MUSK: variants seen among roughly 807,000 people sequenced by gnomAD.
MUSK encodes muscle, skeletal receptor tyrosine-protein kinase.
MUSK carries 55 observed loss-of-function variants against 88.7 expected under a neutral mutation model. The observed-to-expected ratio is 0.62, with a 90% CI of 0.50 to 0.78. The LOEUF (loss-of-function observed/expected upper bound fraction) is 0.78. Among genes scored for constraint, MUSK ranks in the 30% least tolerant of loss-of-function variants. MUSK has a pLI of 0.00. For missense variants in MUSK, 1,015 were observed against 1,074.3 expected (o/e 0.94, Z 0.77); for synonymous variants, 387 against 391.9 (o/e 0.99, Z 0.15).
At chr9:110,686,628 G>A (rs1312630533) in intron 2 of MUSK, among the ~76,000 whole-genome samples, 3 of 152,090 alleles carry the variant, frequency 2.0e-5, no homozygotes, top group Non-Finnish European at 4.4e-5. Context: ...CAAGTAACTA[G>A]AAGTGTGCCT....
At chr9:110,695,373 T>C (rs2131713376) in intron 3 of MUSK, 30 bp from the exon 4 acceptor site, 1 of 1,412,696 alleles carries the variant, frequency 7.1e-7, no homozygotes, top group East Asian at 2.6e-5. Context: ...CATATTGCCT[T>C]ATTTATTTTG....
At chr9:110,694,409 A>T (rs1431308299) in intron 3 of MUSK, among the ~76,000 whole-genome samples, 1 of 142,368 alleles carries the variant, frequency 7.0e-6, no homozygotes, top group African/African-American at 2.9e-5. Flanking sequence ...AAAAAAAACA[A>T]AAAAACAAAA....
At chr9:110,752,446 CCT>C (rs2077259992) in intron 7 of MUSK, among the ~76,000 whole-genome samples, 1 of 152,232 alleles carries the variant, frequency 6.6e-6, no homozygotes, top group Non-Finnish European at 1.5e-5. Context: ...GCTTTTGGCC[CCT>C]CTCTCGGCAT....
chr9:110,747,312 G>T (rs1302079780), intron 6 of MUSK, among the ~76,000 whole-genome samples: 1 of 152,142 alleles, frequency 6.6e-6, no homozygotes, highest in Non-Finnish European at 1.5e-5. Flanking sequence ...TACCATGCTG[G>T]CTCTTGCTTG....
At chr9:110,761,931 C>T in intron 7 of MUSK, 2 of 985,028 alleles carry the variant, frequency 2.0e-6, no homozygotes, top group South Asian at 9.4e-5. Context: ...AAATTCTGAG[C>T]TTAGATATTG....
chr9:110,689,770 T>TATATATATATATATATATATAA (rs1564218181), intron 3 of MUSK, among the ~76,000 whole-genome samples: 1 of 75,090 alleles, frequency 1.3e-5, no homozygotes, highest in Non-Finnish European at 2.3e-5. Context: ...ACTATATATA[T>TATATATATATATATATATATAA]CACATATAGT....
intron 4 of MUSK, 58 bp downstream of exon 4, chr9:110,695,588 C>A: frequency 3.0e-6 from 4 of 1,342,668 alleles, no homozygotes; most frequent in East Asian, 5.1e-5. Context: ...TATAACATTT[C>A]TTTACACACT....
In MUSK at chr9:110,734,244, C is replaced by T. The variant is rs1249758800; in HGVS notation, c.629-7C>T. 3 of 1,609,318 alleles carry T rather than the reference C, an allele frequency of 1.9e-6. No individual in the cohort carries two copies. The highest frequency in any genetic ancestry group is 2.5e-6 in the Non-Finnish European group (3 of 1,177,550). ...AGCGTCACTCACCACTTCTGTCTTC[C>T]TAACAGTTTTTGCCAGGATCCTGCG... On this transcript the variant is annotated splice_polypyrimidine_tract_variant and splice_region_variant and intron_variant, in intron 5 of 14. Coordinates refer to ENST00000374448, the MANE Select transcript of MUSK (RefSeq NM_005592.4).
intron 11 of MUSK, among the ~76,000 whole-genome samples, chr9:110,781,491 T>C (rs1303037990): frequency 5.3e-5 from 8 of 152,190 alleles, no homozygotes; most frequent in Non-Finnish European, 1.2e-4. Flanking sequence ...TTAGCCAGGA[T>C]GGTCTCGATC....
intron 3 of MUSK, among the ~76,000 whole-genome samples, chr9:110,688,753 T>C (rs1464168641): frequency 6.6e-6 from 1 of 151,926 alleles, no homozygotes; most frequent in African/African-American, 2.4e-5. Flanking sequence ...CTGAGGATAA[T>C]GGCTTCCAAC....
chr9:110,679,331 CT>C (rs2076076222), intron 1 of MUSK, among the ~76,000 whole-genome samples: 2 of 151,886 alleles, frequency 1.3e-5, no homozygotes, highest in Non-Finnish European at 2.9e-5. Context: ...AGCAATGTTT[CT>C]TTTTTTCTTA....
chr9:110,741,516 G>C (rs1044726131), intron 6 of MUSK, among the ~76,000 whole-genome samples: 1 of 151,976 alleles, frequency 6.6e-6, no homozygotes, highest in African/African-American at 2.4e-5. Flanking sequence ...TGAAATTTTA[G>C]TTGGATGTTG....
At chr9:110,733,912 G>A (rs1233782654) in intron 5 of MUSK, among the ~76,000 whole-genome samples, 1 of 152,036 alleles carries the variant, frequency 6.6e-6, no homozygotes, top group Non-Finnish European at 1.5e-5. Context: ...TGAGTAAGAA[G>A]GACCTTTCTG....
At position 110,775,701 on chromosome 9, in the gene MUSK, C is replaced by A. The variant is rs1382405911; in HGVS notation, c.1185-87C>A. The stretch of plus-strand genomic sequence containing the variant: ...CAAGAACAATTTACCATGATGATGT[C>A]TTGAAAACACAGAATTTAGGCTCTG... On this transcript the variant is annotated intron_variant, in intron 9 of 14. Transcript: ENST00000374448. The A allele has an allele frequency of 3.8e-5, 48 of 1,278,382 alleles. No homozygotes were observed. The East Asian group carries it at 1.1e-3, about 30-fold the overall frequency. 79.2% of individuals were successfully genotyped at this position (1,278,382 alleles called of 1,614,324 possible).
At chr9:110,679,628 C>A (rs1412234171) in intron 1 of MUSK, among the ~76,000 whole-genome samples, 1 of 151,892 alleles carries the variant, frequency 6.6e-6, no homozygotes, top group Non-Finnish European at 1.5e-5. Context: ...TATTCCTCCT[C>A]TTCTTCCTGT....
intron 6 of MUSK, among the ~76,000 whole-genome samples, chr9:110,743,880 T>C (rs2077134939): frequency 6.6e-6 from 1 of 152,228 alleles, no homozygotes; most frequent in Admixed American, 6.5e-5. Context: ...AAATGTCTCT[T>C]GGTTTATTAT....
chr9:110,732,815 A>G (rs908435639), intron 5 of MUSK, among the ~76,000 whole-genome samples: 1 of 152,038 alleles, frequency 6.6e-6, no homozygotes, highest in South Asian at 2.1e-4. Context: ...TGGGACCCAC[A>G]TTTCTATATC....
intron 2 of MUSK, among the ~76,000 whole-genome samples, chr9:110,684,360 A>G (rs897639151): frequency 6.6e-6 from 1 of 151,970 alleles, no homozygotes; most frequent in East Asian, 1.9e-4. Flanking sequence ...TCTTTTGATG[A>G]AAGTACTGTG....
chr9:110,740,720 T>A (rs2077086474), intron 6 of MUSK, among the ~76,000 whole-genome samples: 1 of 152,166 alleles, frequency 6.6e-6, no homozygotes, highest in Non-Finnish European at 1.5e-5. Flanking sequence ...TGTAATAAGT[T>A]AATTTGTATA....
Sources: allele counts gnomAD v4.1 joint callset (sites outside exome capture counted in the v4.1 genomes callset), GRCh38; gene constraint gnomAD v4.1.1; transcripts MANE v1.5; gene names NCBI Gene and HGNC (gene_info 2026-07-23, HGNC 2026-07-21).